The following ENAH variants were observed in gnomAD, a reference collection of about 807,000 sequenced individuals.
ENAH encodes the protein protein enabled homolog.
Under a neutral mutation model 78.7 loss-of-function variants are expected in ENAH, and 23 were observed. That is an observed-to-expected ratio of 0.29 (90% confidence interval 0.21 to 0.41). The LOEUF is 0.41. Among genes scored for constraint, ENAH ranks in the 10% least tolerant of loss-of-function variants. ENAH has a pLI of 1.00. For synonymous variants in ENAH, 226 were observed against 241.0 expected (o/e 0.94, Z 0.58); for missense variants, 544 against 691.0 (o/e 0.79, Z 2.39).
At chr1:225,510,961 C>T (rs1021547309) in intron 10 of ENAH, among the ~76,000 whole-genome samples, 1 of 151,710 alleles carries the variant, frequency 6.6e-6, no homozygotes, top group Admixed American at 6.6e-5. Flanking sequence ...GTGGGGGTTG[C>T]GGTGAGCCAA....
At chr1:225,526,553 G>C (rs1296003269) in intron 4 of ENAH, among the ~76,000 whole-genome samples, 1 of 151,478 alleles carries the variant, frequency 6.6e-6, no homozygotes, top group Non-Finnish European at 1.5e-5. Flanking sequence ...TGGCCAGGCT[G>C]GTCTTTAACT....
intron 1 of ENAH, among the ~76,000 whole-genome samples, chr1:225,576,749 C>A (rs565615079): frequency 6.6e-6 from 1 of 152,146 alleles, no homozygotes; most frequent in Admixed American, 6.5e-5. Context: ...AGCAAGAGGG[C>A]GGCCATCTGC....
In ENAH at chr1:225,519,513, G is replaced by T. The variant is rs1199426169; in HGVS notation, c.487C>A (p.Arg163=). 3.1e-6 allele frequency: 5 copies of T among 1,608,174 alleles called. No individual in the cohort carries two copies. Among genetic ancestry groups the T allele is most frequent in the African/African-American group, 2.7e-5 (2 of 73,442 alleles). ...AACCTTTCTCTTTCCATTCTTTCTC[G>T]CTCCAGCCTTTCCCGCTCCAGCTCC... ...QKELERERLE[R]ERMERERLER... is the part of the protein sequence containing the mutation. Residue 163 remains arginine (R), a synonymous_variant, in exon 5 of 14, where the codon CGA becomes AGA. Transcript: ENST00000366843.
At chr1:225,619,844 T>C (rs1352875522) in intron 1 of ENAH, among the ~76,000 whole-genome samples, 2 of 152,084 alleles carry the variant, frequency 1.3e-5, no homozygotes, top group Admixed American at 6.6e-5. Flanking sequence ...CCTAAAAGTA[T>C]TGAAATAAAA....
At chr1:225,578,440 A>G (rs1367520037) in intron 1 of ENAH, among the ~76,000 whole-genome samples, 1 of 152,224 alleles carries the variant, frequency 6.6e-6, no homozygotes, top group African/African-American at 2.4e-5. Context: ...GAGCCACTGC[A>G]TTCCAGCTTG....
intron 4 of ENAH, among the ~76,000 whole-genome samples, chr1:225,524,400 A>T (rs886654518): frequency 8.5e-5 from 13 of 152,256 alleles, no homozygotes; most frequent in African/African-American, 2.9e-4. Flanking sequence ...AGTCTAGGAA[A>T]AATGTTCTGA....
Position 225,567,195 on chromosome 1 carries a change from A to G in ENAH, c.171+54T>C, listed in dbSNP as rs533420603. ...ACTACTTTATTTTACGGAATATGCC[A>G]AGTCCTTTTGTAATACTAAATCATT... On this transcript the variant is annotated intron_variant, in intron 2 of 13. Transcript: ENST00000366843. 19 of 1,573,386 alleles carry G rather than the reference A, an allele frequency of 1.2e-5. No individual in the cohort carries two copies. The African/African-American group carries it at 1.9e-4, about 16-fold the overall frequency.
chr1:225,627,115 T>C (rs2148315603), intron 1 of ENAH, among the ~76,000 whole-genome samples: 1 of 152,352 alleles, frequency 6.6e-6, no homozygotes, highest in Non-Finnish European at 1.5e-5. Context: ...AAGACAGTTT[T>C]AATACAATGT....
chr1:225,517,951 G>A (rs908361556), intron 5 of ENAH: 1 of 1,547,808 alleles, frequency 6.5e-7, no homozygotes, highest in Non-Finnish European at 8.7e-7. Context: ...GGAATACTCA[G>A]GAAGTGGAGC....
chr1:225,518,713 C>A (rs1381820962), intron 5 of ENAH, among the ~76,000 whole-genome samples: 12 of 152,124 alleles, frequency 7.9e-5, no homozygotes, highest in African/African-American at 2.9e-4. Flanking sequence ...ACTAATTTTT[C>A]ATAATACTAG....
intron 3 of ENAH, among the ~76,000 whole-genome samples, chr1:225,548,440 C>A (rs1432179527): frequency 6.6e-6 from 1 of 152,194 alleles, no homozygotes; most frequent in Non-Finnish European, 1.5e-5. Context: ...TAACAGTTTA[C>A]TTAAAAACAC....
In ENAH at chr1:225,645,510, T is replaced by G. The variant is rs10915852; in HGVS notation, c.5+7176A>C. 1.9e-3 allele frequency among the ~76,000 whole-genome samples: 292 copies of G among 152,290 alleles called. 1 individual carries two copies. Among genetic ancestry groups the G allele is most frequent in the African/African-American group, 6.6e-3 (273 of 41,554 alleles). On this transcript the variant is annotated intron_variant, in intron 1 of 13. Transcript: ENST00000366843. ...GATACTATAGACATTTGTGTACAAGTTTTTCTGTGGACAAATGTTTTCATT... is the reference window on the plus strand; with the variant it reads ...GATACTATAGACATTTGTGTACAAGGTTTTCTGTGGACAAATGTTTTCATT...
intron 1 of ENAH, among the ~76,000 whole-genome samples, chr1:225,632,108 T>C (rs1030946694): frequency 3.3e-5 from 5 of 152,236 alleles, no homozygotes; most frequent in African/African-American, 9.6e-5. Context: ...TTAAATACTT[T>C]CATTGTTTAG....
chr1:225,570,579 C>A (rs2096756642), intron 1 of ENAH, among the ~76,000 whole-genome samples: 1 of 152,052 alleles, frequency 6.6e-6, no homozygotes, highest in Non-Finnish European at 1.5e-5. Flanking sequence ...TATAATGATC[C>A]ATGTCCATTT....
In ENAH at chr1:225,494,106, A is replaced by C. The variant is rs1390878830; in HGVS notation, c.*3669T>G. 6.0e-5 allele frequency: 9 copies of C among 150,098 alleles called. No homozygotes were observed. The South Asian group carries it at 1.9e-3, about 32-fold the overall frequency. 9.3% of individuals were successfully genotyped at this position (150,098 alleles called of 1,614,324 possible). A position where few individuals can be genotyped will look rare whatever the true frequency, so the allele number is the denominator to read the frequency against. On this transcript the variant is annotated 3_prime_UTR_variant, in exon 14 of 14. Coordinates refer to ENST00000366843, the MANE Select transcript of ENAH (RefSeq NM_018212.6). ...AAACAGCTGAAAATTTTACAACTGT[A>C]ACTCTGTAATGGCTGCAAATGTTAA...
intron 1 of ENAH, among the ~76,000 whole-genome samples, chr1:225,617,206 G>A (rs565272350): frequency 6.6e-6 from 1 of 152,164 alleles, no homozygotes; most frequent in Non-Finnish European, 1.5e-5. Context: ...ATTTCCATCT[G>A]TCTTCCTTAT....
chr1:225,501,665 T>C (rs897915110), intron 11 of ENAH, among the ~76,000 whole-genome samples: 5 of 152,362 alleles, frequency 3.3e-5, no homozygotes, highest in Non-Finnish European at 1.5e-5. Flanking sequence ...TAGATTAGAC[T>C]ATGTGACTAT....
intron 10 of ENAH, among the ~76,000 whole-genome samples, chr1:225,510,838 C>G (rs994016978): frequency 5.9e-5 from 9 of 151,900 alleles, no homozygotes; most frequent in Admixed American, 4.6e-4. Context: ...ATGGTGAAAC[C>G]CTGTCTCTAC....
intron 1 of ENAH, among the ~76,000 whole-genome samples, chr1:225,587,871 A>G (rs967115286): frequency 6.6e-6 from 1 of 152,128 alleles, no homozygotes. Flanking sequence ...TTTTAAAAAG[A>G]CGTCAGTGGA....
Sources: gnomAD v4.1 joint callset for allele counts (sites outside exome capture counted in the v4.1 genomes callset) on GRCh38, gnomAD v4.1.1 for gene constraint, MANE v1.5 for transcripts, NCBI Gene and HGNC (gene_info 2026-07-23, HGNC 2026-07-21) for gene names.